Variants in ZDHHC14 observed in about 807,000 individuals in gnomAD.
ZDHHC14 encodes palmitoyltransferase ZDHHC14.
ZDHHC14 carries 16 observed loss-of-function variants against 47.7 expected under a neutral mutation model. That is an observed-to-expected ratio of 0.34 (90% CI 0.23 to 0.51). The LOEUF (loss-of-function observed/expected upper bound fraction) is 0.51, where lower values mean the gene tolerates loss of function less well. Ranked by LOEUF, ZDHHC14 falls within the 20% of genes least tolerant of loss-of-function variation. The pLI is 0.97. For synonymous variants in ZDHHC14, 293 were observed against 278.9 expected (o/e 1.05, Z -0.50); for missense variants, 515 against 662.5 (o/e 0.78, Z 2.44).
intron 8 of ZDHHC14, among the ~76,000 whole-genome samples, chr6:157,670,781 A>G (rs1778762148): frequency 6.6e-6 from 1 of 152,152 alleles, no homozygotes; most frequent in South Asian, 2.1e-4. Context: ...CCCTCTTCAT[A>G]GCTCCACTAT....
chr6:157,428,989 G>A (rs1583636971), intron 1 of ZDHHC14, among the ~76,000 whole-genome samples: 1 of 152,140 alleles, frequency 6.6e-6, no homozygotes, highest in African/African-American at 2.4e-5. Flanking sequence ...GGGATGATGA[G>A]CTTGTGAGTG....
At chr6:157,522,979 T>C (rs1309956135) in intron 1 of ZDHHC14, among the ~76,000 whole-genome samples, 189 of 36,190 alleles carry the variant, frequency 5.2e-3, no homozygotes, top group African/African-American at 0.03. Context: ...TCTTTTCTTT[T>C]CTTTTTCTTT....
At chr6:157,563,428 T>A (rs997611842) in intron 2 of ZDHHC14, among the ~76,000 whole-genome samples, 2 of 152,172 alleles carry the variant, frequency 1.3e-5, no homozygotes, top group African/African-American at 4.8e-5. Context: ...GGGGAGGCTG[T>A]TTTGTTTCTT....
intron 3 of ZDHHC14, among the ~76,000 whole-genome samples, chr6:157,598,768 TA>T (rs1784228442): frequency 6.6e-6 from 1 of 152,246 alleles, no homozygotes; most frequent in Non-Finnish European, 1.5e-5. Context: ...TGTATAAGTA[TA>T]ATAAATGTAT....
At chr6:157,606,359 T>A (rs1321417662) in intron 3 of ZDHHC14, among the ~76,000 whole-genome samples, 2 of 151,982 alleles carry the variant, frequency 1.3e-5, no homozygotes, top group African/African-American at 4.8e-5. Context: ...CCAGCTACTC[T>A]GGAGGCTGAG....
At chr6:157,514,755 C>T (rs1342899730) in intron 1 of ZDHHC14, among the ~76,000 whole-genome samples, 3 of 152,188 alleles carry the variant, frequency 2.0e-5, no homozygotes, top group African/African-American at 7.2e-5. Context: ...CTCTCTTCCC[C>T]GCTGGGCGGT....
At chr6:157,420,763 A>G (rs1166803396) in intron 1 of ZDHHC14, among the ~76,000 whole-genome samples, 2 of 152,224 alleles carry the variant, frequency 1.3e-5, no homozygotes, top group Non-Finnish European at 2.9e-5. Flanking sequence ...AAAGAGAGAC[A>G]ACATCAAGGA....
chr6:157,643,344 G>A (rs1229008910), intron 5 of ZDHHC14, among the ~76,000 whole-genome samples: 1 of 152,118 alleles, frequency 6.6e-6, no homozygotes, highest in Non-Finnish European at 1.5e-5. Context: ...TTTACAAAAT[G>A]TGTCTAAAGC....
intron 2 of ZDHHC14, among the ~76,000 whole-genome samples, chr6:157,570,168 A>G (rs1034544749): frequency 6.6e-6 from 1 of 152,204 alleles, no homozygotes; most frequent in Non-Finnish European, 1.5e-5. Context: ...CAGCCCTTGC[A>G]TTCAGGTCTT....
At chr6:157,382,333 C>G in intron 1 of ZDHHC14, 67 bp downstream of exon 1, 1 of 1,558,882 alleles carries the variant, frequency 6.4e-7, no homozygotes, top group Non-Finnish European at 8.7e-7. Context: ...CGCCCCTCCT[C>G]GGGCTGCTTT....
At chr6:157,485,905 C>G (rs1412938493) in intron 1 of ZDHHC14, among the ~76,000 whole-genome samples, 1 of 152,112 alleles carries the variant, frequency 6.6e-6, no homozygotes, top group Non-Finnish European at 1.5e-5. Context: ...CCCAGCTACT[C>G]GGGAGGCTGA....
intron 7 of ZDHHC14, among the ~76,000 whole-genome samples, chr6:157,649,078 G>T (rs1777695464): frequency 6.6e-6 from 1 of 152,206 alleles, no homozygotes; most frequent in Non-Finnish European, 1.5e-5. Context: ...TGGCTGGATT[G>T]GGGCTGTATC....
At chr6:157,551,208 C>T (rs531305324) in intron 2 of ZDHHC14, among the ~76,000 whole-genome samples, 2 of 152,320 alleles carry the variant, frequency 1.3e-5, no homozygotes, top group African/African-American at 4.8e-5. Context: ...AACAGCTTTC[C>T]GTGTCCCCTC....
At chr6:157,466,716 T>C (rs1779227149) in intron 1 of ZDHHC14, among the ~76,000 whole-genome samples, 1 of 151,954 alleles carries the variant, frequency 6.6e-6, no homozygotes, top group South Asian at 2.1e-4. Flanking sequence ...CAGGCACCTG[T>C]AATTCCAGCT....
chr6:157,410,966 A>G (rs930196188), intron 1 of ZDHHC14, among the ~76,000 whole-genome samples: 5 of 152,164 alleles, frequency 3.3e-5, no homozygotes, highest in Non-Finnish European at 5.9e-5. Context: ...AAGTGCTGGG[A>G]TTACAGGCGT....
chr6:157,481,585 AC>A (rs1779631386), intron 1 of ZDHHC14, among the ~76,000 whole-genome samples: 8 of 152,068 alleles, frequency 5.3e-5, no homozygotes. Context: ...ACCTAGAATC[AC>A]TTCCTCCATT....
intron 1 of ZDHHC14, among the ~76,000 whole-genome samples, chr6:157,510,514 A>G (rs1361221823): frequency 6.6e-6 from 1 of 152,134 alleles, no homozygotes; most frequent in Non-Finnish European, 1.5e-5. Flanking sequence ...CAAGTCCCTC[A>G]GTGCTGGACA....
chr6:157,432,559 G>A (rs550930217), intron 1 of ZDHHC14, among the ~76,000 whole-genome samples: 11 of 152,232 alleles, frequency 7.2e-5, no homozygotes, highest in South Asian at 2.1e-4. Flanking sequence ...ATTTATTTTC[G>A]TTGCCTGGTA....
intron 1 of ZDHHC14, among the ~76,000 whole-genome samples, chr6:157,458,880 G>GTTT (rs1778997534): frequency 7.5e-5 from 4 of 53,650 alleles, no homozygotes; most frequent in Admixed American, 2.0e-4. Flanking sequence ...TTGAGACGGA[G>GTTT]TTTCGCTCTT....
Sources: allele counts gnomAD v4.1 joint callset (sites outside exome capture counted in the v4.1 genomes callset), GRCh38; gene constraint gnomAD v4.1.1; transcripts MANE v1.5; gene names NCBI Gene and HGNC (gene_info 2026-07-23, HGNC 2026-07-21).